Variants in SLC9C1 observed in about 807,000 individuals in gnomAD.
SLC9C1 encodes the protein solute carrier family 9 member C1.
SLC9C1 carries 97 observed loss-of-function variants against 140.9 expected under a neutral mutation model. The ratio of observed to expected loss-of-function variants is 0.69; its 90% CI spans 0.58 to 0.82. The LOEUF is 0.82. Ranked by LOEUF, SLC9C1 falls within the 40% of genes least tolerant of loss-of-function variation. The probability of loss-of-function intolerance (pLI) is 0.00; values close to 1 mark genes in which losing one functional copy is unlikely to be tolerated. For synonymous variants in SLC9C1, 440 were observed against 442.6 expected, an observed-to-expected ratio of 0.99 and a Z score of 0.07; for missense variants, 1,340 against 1,389.3, an observed-to-expected ratio of 0.96 and a Z score of 0.56.
intron 1 of SLC9C1, among the ~76,000 whole-genome samples, chr3:112,288,529 G>C (rs2080585404): frequency 1.3e-5 from 2 of 152,212 alleles, no homozygotes; most frequent in African/African-American, 4.8e-5. Context: ...GGCCAAGATG[G>C]GAGGATCCCT....
At chr3:112,275,124 C>T in intron 5 of SLC9C1, 99 bp from the exon 6 acceptor site, 1 of 1,255,608 alleles carries the variant, frequency 8.0e-7, no homozygotes, top group Non-Finnish European at 1.1e-6. Context: ...TAAGGATGGT[C>T]TTAGCTATGG....
intron 10 of SLC9C1, among the ~76,000 whole-genome samples, chr3:112,249,385 C>T (rs1350997736): frequency 6.6e-6 from 1 of 151,030 alleles, no homozygotes; most frequent in Admixed American, 6.7e-5. Flanking sequence ...CATCTATATT[C>T]TTCAAGGATA....
chr3:112,198,272 A>T (rs2077817026), intron 20 of SLC9C1, among the ~76,000 whole-genome samples: 1 of 151,934 alleles, frequency 6.6e-6, no homozygotes, highest in South Asian at 2.1e-4. Context: ...GAAGAATTTT[A>T]TATATTACTT....
intron 20 of SLC9C1, among the ~76,000 whole-genome samples, chr3:112,182,644 GA>G (rs141192865): frequency 0.1 from 15,719 of 151,448 alleles, 869 homozygotes; most frequent in East Asian, 0.2. Flanking sequence ...TAGCAGATGT[GA>G]AAAAAAAGTG....
intron 10 of SLC9C1, among the ~76,000 whole-genome samples, chr3:112,257,729 A>C (rs2108278435): frequency 6.6e-6 from 1 of 152,350 alleles, no homozygotes; most frequent in South Asian, 2.1e-4. Flanking sequence ...GAGTTTCTGC[A>C]CAGCAAAAGA....
rs1209220172 is a variant in SLC9C1, at chr3:112,266,323, A to G, written c.793T>C (p.Ser265Pro). 1.2e-6 allele frequency: 2 copies of G among 1,606,880 alleles called. No individual in the cohort carries two copies. Among genetic ancestry groups the G allele is most frequent in the East Asian group, 2.2e-5 (1 of 44,542 alleles). Residue 265 changes from serine to proline, a missense_variant, in exon 8 of 29, where the codon TCA (serine) becomes CCA (proline). By Grantham distance (74) the Ser-to-Pro change is moderately conservative. Transcript: ENST00000305815. ...IFYICELVGM[S>P]GIFTLAIVGL... ...ACAATGGCCAGAGTAAATATTCCTG[A>G]CATTCCAACTAACTCACCTATTTTT...
At chr3:112,170,099 A>G (rs903049084) in intron 23 of SLC9C1, among the ~76,000 whole-genome samples, 11 of 152,192 alleles carry the variant, frequency 7.2e-5, no homozygotes, top group African/African-American at 2.4e-4. Context: ...ATTCATGACT[A>G]AAACCTCAAA....
rs2078333107 is a variant in SLC9C1, at chr3:112,215,440, G to GA, written c.1790+2001dup. 2.0e-5 allele frequency among the ~76,000 whole-genome samples: 3 copies of GA among 152,246 alleles called. No individual in the cohort carries two copies. In the South Asian group the frequency reaches 6.2e-4, roughly 32 times the overall value. On this transcript the variant is annotated intron_variant, in intron 15 of 28. Transcript: ENST00000305815. ...AATTGTCCCTGTTTGCAGATGACATGATTGTATATTTAGAAAACCCCATCG... is the reference window on the plus strand; with the variant it reads ...AATTGTCCCTGTTTGCAGATGACATGAATTGTATATTTAGAAAACCCCATCG...
intron 1 of SLC9C1, among the ~76,000 whole-genome samples, chr3:112,287,702 G>A (rs1031245785): frequency 6.6e-6 from 1 of 152,154 alleles, no homozygotes; most frequent in Non-Finnish European, 1.5e-5. Context: ...ATGGTAGCTT[G>A]ACATTTTTTA....
chr3:112,273,806 C>T (rs191659717), intron 6 of SLC9C1, among the ~76,000 whole-genome samples: 1 of 152,148 alleles, frequency 6.6e-6, no homozygotes, highest in East Asian at 1.9e-4. Context: ...GTAGAAGAAT[C>T]CCACTGCAGC....
At chr3:112,178,427 A>C (rs2077379648) in intron 23 of SLC9C1, among the ~76,000 whole-genome samples, 1 of 151,746 alleles carries the variant, frequency 6.6e-6, no homozygotes, top group South Asian at 2.1e-4. Context: ...CATGTCTGCT[A>C]CTCCATTCAC....
In SLC9C1 at chr3:112,204,399, G is replaced by C; in HGVS notation, c.1991C>G (p.Ala664Gly). The change falls in exon 17 of 29, where the codon GCA becomes GGA. Residue 664 changes from alanine to glycine, a missense_variant. Coordinates refer to ENST00000305815, the MANE Select transcript of SLC9C1 (RefSeq NM_183061.3). ...LYILEALLKI[A>G]AMRKDFFSHA... is the part of the protein sequence containing the mutation. ...TGAAAAAAAGTCCTTCCTCATTGCTGCTATCTGTTGATTTAAAAGGAAATT... is the reference window on the plus strand; with the variant it reads ...TGAAAAAAAGTCCTTCCTCATTGCTCCTATCTGTTGATTTAAAAGGAAATT... 2 of 1,559,748 alleles carry C rather than the reference G, an allele frequency of 1.3e-6. No homozygotes were observed. Among genetic ancestry groups the C allele is most frequent in the South Asian group, 1.3e-5 (1 of 79,130 alleles).
Position 112,221,196 on chromosome 3 carries a change from C to A in SLC9C1, c.1602G>T (p.Glu534Asp). Residue 534 changes from glutamate to aspartate, a missense_variant, in exon 14 of 29, where the codon GAG becomes GAT. By Grantham distance (45) the Glu-to-Asp change is conservative (BLOSUM62 2). Coordinates refer to ENST00000305815, the MANE Select transcript of SLC9C1 (RefSeq NM_183061.3). ...IASYQRQYRN[E>D]ILSQSAVQVL... The stretch of plus-strand genomic sequence containing the variant: ...CCTGGACAGCACTCTGGGACAGAAT[C>A]TCATTCCTGTATTGTCTCTGGTAGC... 1.2e-6 allele frequency: 2 copies of A among 1,613,602 alleles called. No individual in the cohort carries two copies. Among genetic ancestry groups the A allele is most frequent in the Non-Finnish European group, 1.7e-6 (2 of 1,179,714 alleles).
intron 26 of SLC9C1, among the ~76,000 whole-genome samples, chr3:112,166,617 A>G (rs545400481): frequency 2.0e-5 from 3 of 152,132 alleles, no homozygotes; most frequent in African/African-American, 4.8e-5. Flanking sequence ...ATTGATTTCT[A>G]TATTTCTATA....
intron 2 of SLC9C1, among the ~76,000 whole-genome samples, chr3:112,282,478 C>T (rs10934162): frequency 0.58 from 88,259 of 152,000 alleles, 26,254 homozygotes; most frequent in East Asian, 0.79. Context: ...GAGAAAGCTT[C>T]ACCAGAGAGT....
At chr3:112,170,757 G>A (rs1457146951) in intron 23 of SLC9C1, among the ~76,000 whole-genome samples, 4 of 152,134 alleles carry the variant, frequency 2.6e-5, no homozygotes, top group Non-Finnish European at 5.9e-5. Context: ...GTGTACATTG[G>A]ATTTTATTTC....
At position 112,169,280 on chromosome 3, in the gene SLC9C1, A is replaced by C; in HGVS notation, c.2968T>G (p.Ser990Ala). 1 of 1,613,376 alleles carries C rather than the reference A, an allele frequency of 6.2e-7. No individual in the cohort carries two copies. Among genetic ancestry groups the C allele is most frequent in the South Asian group, 1.1e-5 (1 of 90,982 alleles). The stretch of plus-strand genomic sequence containing the variant: ...CACATTTTTTGTTTAATGAGAGGAG[A>C]GCATTGCTCAAAAGCATCATACAAG... ...THLYDAFEQC[S>A]PLIKQKMWLK... Residue 990 changes from serine to alanine, a missense_variant, in exon 24 of 29, where the codon TCT becomes GCT. Ser to Ala is a moderately conservative substitution (Grantham distance 99, BLOSUM62 1). Transcript: ENST00000305815.
chr3:112,147,296 C>A (rs2074829527), intron 28 of SLC9C1, among the ~76,000 whole-genome samples: 1 of 152,294 alleles, frequency 6.6e-6, no homozygotes, highest in East Asian at 1.9e-4. Context: ...ATTCAAGATT[C>A]ATATTGATAT....
intron 1 of SLC9C1, among the ~76,000 whole-genome samples, chr3:112,287,615 C>T (rs2080547725): frequency 6.6e-6 from 1 of 152,200 alleles, no homozygotes; most frequent in Non-Finnish European, 1.5e-5. Flanking sequence ...GCAATCTCGC[C>T]TGCTTCCCAT....
Sources: allele counts gnomAD v4.1 joint callset (sites outside exome capture counted in the v4.1 genomes callset), GRCh38; gene constraint gnomAD v4.1.1; transcripts MANE v1.5; gene names NCBI Gene and HGNC (gene_info 2026-07-23, HGNC 2026-07-21).